The following CENPC variants were observed in gnomAD, a reference collection of about 807,000 sequenced individuals.
The protein encoded by CENPC is centromere protein C.
Under a neutral mutation model 112.1 loss-of-function variants are expected in CENPC, and 63 were observed. The ratio of observed to expected loss-of-function variants is 0.56; its 90% CI spans 0.46 to 0.69. CENPC has a LOEUF of 0.69. CENPC is among the 30% of genes least tolerant of loss of function. CENPC has a pLI of 0.00. For missense variants in CENPC, 1,000 were observed against 1,103.8 expected, an observed-to-expected ratio of 0.91 and a Z score of 1.33; for synonymous variants, 333 against 367.6, an observed-to-expected ratio of 0.91 and a Z score of 1.08.
At position 67,490,855 on chromosome 4, in the gene CENPC, T is replaced by G. The variant is rs1240850063; in HGVS notation, c.2516-734A>C. On this transcript the variant is annotated intron_variant, in intron 16 of 18. Coordinates refer to ENST00000273853, the MANE Select transcript of CENPC (RefSeq NM_001812.4). ...AGAAATAAATATATATATATATATA[T>G]ATATATATATATATATATATATAGA... Among the ~76,000 whole-genome samples, 46 of 18,540 alleles carry G rather than the reference T, an allele frequency of 2.5e-3. No homozygotes were observed. In the South Asian group the frequency reaches 0.043, roughly 17 times the overall value. 12.2% of individuals were successfully genotyped at this position (18,540 alleles called of 152,430 possible).
chr4:67,474,857 C>G (rs1724759739), intron 18 of CENPC, 31 bp downstream of exon 18: 1 of 1,292,652 alleles, frequency 7.7e-7, no homozygotes. Context: ...CAACTATATA[C>G]ATGTTGTCTA....
intron 17 of CENPC, among the ~76,000 whole-genome samples, chr4:67,479,293 C>T (rs1285773775): frequency 6.6e-6 from 1 of 152,098 alleles, no homozygotes; most frequent in African/African-American, 2.4e-5. Flanking sequence ...GCTCATGGAA[C>T]ATTTTCCAAG....
intron 17 of CENPC, among the ~76,000 whole-genome samples, chr4:67,483,710 G>A (rs1215217874): frequency 6.6e-6 from 1 of 152,036 alleles, no homozygotes; most frequent in Non-Finnish European, 1.5e-5. Flanking sequence ...CAGTGATAAT[G>A]ATCCTAATCT....
At chr4:67,545,018 GC>G (rs1726988256) in intron 1 of CENPC, among the ~76,000 whole-genome samples, 1 of 152,008 alleles carries the variant, frequency 6.6e-6, no homozygotes, top group South Asian at 2.1e-4. Flanking sequence ...CTGCACTCCA[GC>G]CTGGGGGACA....
At chr4:67,511,226 A>G (rs1236914637) in intron 9 of CENPC, among the ~76,000 whole-genome samples, 1 of 152,150 alleles carries the variant, frequency 6.6e-6, no homozygotes, top group Non-Finnish European at 1.5e-5. Context: ...TCACTCCAAA[A>G]TCCAAAGGCT....
chr4:67,508,751 T>C lies in CENPC; in HGVS notation c.1904+63A>G, dbSNP rs941046465. Reference sequence around the variant, plus strand: ...TACTGCCTGTCCATAAATGACTAAATAGCACAAATTATTAAATGCTGAACA... The same window carrying C: ...TACTGCCTGTCCATAAATGACTAAACAGCACAAATTATTAAATGCTGAACA... On this transcript the variant is annotated intron_variant, in intron 10 of 18. Coordinates refer to ENST00000273853, the MANE Select transcript of CENPC (RefSeq NM_001812.4). The C allele has an allele frequency of 2.0e-5, 29 of 1,480,026 alleles. No individual in the cohort carries two copies. In the Admixed American group the frequency reaches 5.7e-4, roughly 29 times the overall value. 91.7% of individuals were successfully genotyped at this position (1,480,026 alleles called of 1,614,324 possible). A position where few individuals can be genotyped will look rare whatever the true frequency, so the allele number is the denominator to read the frequency against.
rs1725819792 is a variant in CENPC at position 67,509,092 on chromosome 4, G to A, written c.1626C>T (p.Ser542=). Residue 542 remains serine (S), a synonymous_variant, in exon 10 of 19, where the codon AGC becomes AGT. Transcript: ENST00000273853. The part of the protein sequence containing the change: ...VVKSEESPVY[S]NSSVRNELPM... ...GTAATTCATTTCTTACTGAAGAATT[G>A]CTATAAACAGGACCTGAAGGATTCA... The A allele has an allele frequency of 1.2e-6, 2 of 1,605,632 alleles. No homozygotes were observed. The highest frequency in any genetic ancestry group is 2.7e-5 in the African/African-American group (2 of 74,642).
At chr4:67,541,176 T>C in intron 2 of CENPC, 126 bp from the exon 3 acceptor site, 1 of 632,262 alleles carries the variant, frequency 1.6e-6, no homozygotes, top group Non-Finnish European at 2.7e-6. Context: ...CTTTACTATT[T>C]GAAGACAAAA....
chr4:67,518,619 G>A (rs760580988), intron 6 of CENPC, among the ~76,000 whole-genome samples: 1 of 152,152 alleles, frequency 6.6e-6, no homozygotes, highest in Non-Finnish European at 1.5e-5. Flanking sequence ...TCAATGAAAT[G>A]TATAGCTAGG....
intron 12 of CENPC, among the ~76,000 whole-genome samples, chr4:67,496,682 A>C (rs1360770764): frequency 6.6e-6 from 1 of 152,206 alleles, no homozygotes; most frequent in East Asian, 1.9e-4. Flanking sequence ...TCTAGACATC[A>C]GAAGTAGATT....
In CENPC at chr4:67,530,161, A is replaced by G. The variant is rs1331986250; in HGVS notation, c.331+654T>C. ...TTGGGATAAGACAGAACTTTTAACT[A>G]AAACAAACTTAAAGCTATAAAAGTC... On this transcript the variant is annotated intron_variant, in intron 5 of 18. Transcript: ENST00000273853. 3.3e-5 allele frequency among the ~76,000 whole-genome samples: 5 copies of G among 152,342 alleles called. No homozygotes were observed. In the East Asian group the frequency reaches 9.6e-4, roughly 29 times the overall value.
At chr4:67,527,493 C>CTTTTT (rs11317672) in intron 5 of CENPC, among the ~76,000 whole-genome samples, 7 of 68,080 alleles carry the variant, frequency 1.0e-4, no homozygotes, top group African/African-American at 1.2e-4. Context: ...TCACCCCATC[C>CTTTTT]TTTTTTTTTT....
chr4:67,499,341 C>T (rs1034181407), intron 12 of CENPC, among the ~76,000 whole-genome samples: 21 of 152,172 alleles, frequency 1.4e-4, no homozygotes, highest in African/African-American at 4.1e-4. Flanking sequence ...GCTATTTTGT[C>T]TACAGGGAAA....
chr4:67,509,909 T>C (rs1356089154), intron 9 of CENPC, among the ~76,000 whole-genome samples: 1 of 152,182 alleles, frequency 6.6e-6, no homozygotes, highest in Non-Finnish European at 1.5e-5. Context: ...AGCTTCAGGA[T>C]GAAGTCCAAA....
intron 2 of CENPC, among the ~76,000 whole-genome samples, chr4:67,543,869 T>C (rs1028139954): frequency 1.3e-5 from 2 of 152,210 alleles, no homozygotes; most frequent in Non-Finnish European, 2.9e-5. Context: ...TACCATTTGA[T>C]TCATTCTACA....
At chr4:67,504,285 T>C (rs1725675709) in intron 12 of CENPC, among the ~76,000 whole-genome samples, 1 of 151,650 alleles carries the variant, frequency 6.6e-6, no homozygotes, top group Non-Finnish European at 1.5e-5. Context: ...GCCAAAACTA[T>C]ACTGAGGGAA....
chr4:67,509,115 T>G lies in CENPC; in HGVS notation c.1613-10A>C, dbSNP rs375325950. ...TTGCTATAAACAGGACCTGAAGGAT[T>G]CAATGATAACCTAAAGTTAGTAAGT... On this transcript the variant is annotated splice_polypyrimidine_tract_variant and intron_variant, in intron 9 of 18. Transcript: ENST00000273853. 1 of 1,591,074 alleles carries G rather than the reference T, an allele frequency of 6.3e-7. No individual in the cohort carries two copies. Among genetic ancestry groups the G allele is most frequent in the African/African-American group, 1.3e-5 (1 of 74,278 alleles).
intron 3 of CENPC, 58 bp from the exon 4 acceptor site, chr4:67,539,992 CAATTA>C: frequency 1.2e-6 from 1 of 860,402 alleles, no homozygotes; most frequent in East Asian, 3.1e-5. Context: ...CTATTAGTCA[CAATTA>C]AAAGTAGCTG....
intron 2 of CENPC, among the ~76,000 whole-genome samples, chr4:67,541,600 A>G (rs1263147400): frequency 6.6e-6 from 1 of 152,196 alleles, no homozygotes; most frequent in African/African-American, 2.4e-5. Flanking sequence ...ATATTTTGCA[A>G]AACTATAGCA....
Sources: gnomAD v4.1 joint callset for allele counts (sites outside exome capture counted in the v4.1 genomes callset) on GRCh38, gnomAD v4.1.1 for gene constraint, MANE v1.5 for transcripts, NCBI Gene and HGNC (gene_info 2026-07-23, HGNC 2026-07-21) for gene names.